The following MRAP2 variants were observed in gnomAD, a reference collection of about 807,000 sequenced individuals.
MRAP2 encodes melanocortin 2 receptor accessory protein 2.
Under a neutral mutation model 17.4 loss-of-function variants are expected in MRAP2, and 20 were observed. The ratio of observed to expected loss-of-function variants is 1.15; its 90% CI spans 0.81 to 1.67. The LOEUF (loss-of-function observed/expected upper bound fraction) is 1.67. Among genes scored for constraint, MRAP2 ranks in the 40% most tolerant of loss-of-function variants. The probability of loss-of-function intolerance (pLI) is 0.00; values close to 1 mark genes in which losing one functional copy is unlikely to be tolerated. For synonymous variants in MRAP2, 96 were observed against 88.4 expected (o/e 1.09, Z -0.48); for missense variants, 238 against 240.0 (o/e 0.99, Z 0.05).
the MRAP2 span, among the ~76,000 whole-genome samples, chr6:84,131,142 A>C: frequency 6.6e-6 from 1 of 152,276 alleles, no homozygotes; most frequent in East Asian, 1.9e-4. Context: ...GCAGTGGTTC[A>C]GTTTCCATGT....
chr6:84,122,904 C>A, the MRAP2 span, among the ~76,000 whole-genome samples: 1 of 151,950 alleles, frequency 6.6e-6, no homozygotes, highest in Non-Finnish European at 1.5e-5. Context: ...AATCAATATA[C>A]AAAACCCAGT....
chr6:84,047,291 A>G (rs930058948), intron 1 of MRAP2, among the ~76,000 whole-genome samples: 2 of 152,020 alleles, frequency 1.3e-5, no homozygotes, highest in African/African-American at 4.8e-5. Flanking sequence ...CCCAGGTTCA[A>G]GCAATTCTTG....
the MRAP2 span, among the ~76,000 whole-genome samples, chr6:84,139,726 T>C: frequency 1.3e-5 from 2 of 152,194 alleles, no homozygotes; most frequent in South Asian, 2.1e-4. Flanking sequence ...CATATTCAGA[T>C]TGGTAGGAGA....
intron 3 of MRAP2, among the ~76,000 whole-genome samples, chr6:84,070,217 A>T (rs1465492721): frequency 6.6e-6 from 1 of 151,656 alleles, no homozygotes; most frequent in Non-Finnish European, 1.5e-5. Flanking sequence ...AGTCTTTTCG[A>T]TGTAGGTGTT....
downstream of MRAP2, among the ~76,000 whole-genome samples, chr6:84,093,389 C>T (rs77693680): frequency 4.6e-3 from 703 of 152,134 alleles, 4 homozygotes; most frequent in African/African-American, 0.016. Context: ...CCATCTCTGT[C>T]GTCTGGGCTG....
the MRAP2 span, among the ~76,000 whole-genome samples, chr6:84,133,681 G>A: frequency 1.3e-5 from 2 of 152,212 alleles, no homozygotes; most frequent in Non-Finnish European, 1.5e-5. Context: ...GGGATATAAT[G>A]TCCTGGTGTG....
Position 84,055,450 on chromosome 6 carries a change from G to A in MRAP2, c.127+5G>A. ...AAGGACTGAAGGCTCATAAATGTAA[G>A]TTTTATACAATTCCTCATTGAAAGC... On this transcript the variant is annotated splice_donor_5th_base_variant and intron_variant, in intron 2 of 3. Transcript: ENST00000257776. 2 of 1,610,178 alleles carry A rather than the reference G, an allele frequency of 1.2e-6. No homozygotes were observed. Among genetic ancestry groups the A allele is most frequent in the South Asian group, 2.2e-5 (2 of 90,160 alleles).
the MRAP2 span, among the ~76,000 whole-genome samples, chr6:84,135,704 AAC>A: frequency 6.6e-6 from 1 of 152,242 alleles, no homozygotes; most frequent in East Asian, 1.9e-4. Context: ...CTCTACTAAA[AAC>A]ACAAAAATTA....
the MRAP2 span, among the ~76,000 whole-genome samples, chr6:84,111,324 C>G: frequency 6.6e-6 from 1 of 152,028 alleles, no homozygotes; most frequent in African/African-American, 2.4e-5. Context: ...CCTTCAGATC[C>G]CTTGTAAGTT....
intron 3 of MRAP2, among the ~76,000 whole-genome samples, chr6:84,065,168 C>T (rs1380573150): frequency 6.6e-6 from 1 of 151,954 alleles, no homozygotes; most frequent in Admixed American, 6.5e-5. Flanking sequence ...ACCTGTAGTC[C>T]CAGCTACTCA....
chr6:84,106,904 G>A, the MRAP2 span, among the ~76,000 whole-genome samples: 1 of 152,098 alleles, frequency 6.6e-6, no homozygotes, highest in African/African-American at 2.4e-5. Flanking sequence ...TGTGGCTTAT[G>A]GTCAAGGGTT....
intron 1 of MRAP2, among the ~76,000 whole-genome samples, chr6:84,046,168 T>C (rs2099488977): frequency 1.3e-5 from 2 of 152,192 alleles, no homozygotes; most frequent in Admixed American, 1.3e-4. Context: ...TTAGAGGGTG[T>C]TTAAGATAAC....
downstream of MRAP2, among the ~76,000 whole-genome samples, chr6:84,092,462 G>A (rs544114511): frequency 6.6e-6 from 1 of 152,220 alleles, no homozygotes; most frequent in African/African-American, 2.4e-5. Flanking sequence ...CAGCTTAAAA[G>A]TCCCAAATCT....
downstream of MRAP2, among the ~76,000 whole-genome samples, chr6:84,095,461 T>A (rs1328308230): frequency 6.6e-6 from 1 of 152,174 alleles, no homozygotes; most frequent in African/African-American, 2.4e-5. Context: ...CACTGGGGAT[T>A]TTTGAAAAAG....
chr6:84,044,153 A>G (rs1405330618), intron 1 of MRAP2, among the ~76,000 whole-genome samples: 1 of 152,128 alleles, frequency 6.6e-6, no homozygotes, highest in African/African-American at 2.4e-5. Context: ...ACAAAATACC[A>G]CAGACTGGGT....
chr6:84,126,430 T>G, the MRAP2 span: 4 of 1,601,522 alleles, frequency 2.5e-6, no homozygotes, highest in African/African-American at 4.0e-5. Flanking sequence ...CTGCTTAATT[T>G]TCTTTTCTAA....
At chr6:84,100,599 C>G in the MRAP2 span, among the ~76,000 whole-genome samples, 2 of 152,186 alleles carry the variant, frequency 1.3e-5, no homozygotes, top group Non-Finnish European at 2.9e-5. Context: ...GTCTTACACC[C>G]TGTTCTCCCT....
At chr6:84,115,242 G>A in the MRAP2 span, among the ~76,000 whole-genome samples, 1 of 152,206 alleles carries the variant, frequency 6.6e-6, no homozygotes, top group Admixed American at 6.5e-5. Context: ...CCTGACTGGG[G>A]CTACTGCCTT....
chr6:84,112,864 T>C, the MRAP2 span, among the ~76,000 whole-genome samples: 2 of 152,232 alleles, frequency 1.3e-5, no homozygotes, highest in African/African-American at 4.8e-5. Flanking sequence ...ATTTACCCAG[T>C]AGTCATTCAG....
Sources: allele counts gnomAD v4.1 joint callset (sites outside exome capture counted in the v4.1 genomes callset), GRCh38; gene constraint gnomAD v4.1.1; transcripts MANE v1.5; gene names NCBI Gene and HGNC (gene_info 2026-07-23, HGNC 2026-07-21).